The following LRFN2 variants were observed in gnomAD, a reference collection of about 807,000 sequenced individuals.
The protein encoded by LRFN2 is leucine rich repeat and fibronectin type III domain containing 2, also known as leucine-rich repeat and fibronectin type-III domain-containing protein 2.
Under a neutral mutation model 37.3 loss-of-function variants are expected in LRFN2, and 18 were observed. That is an observed-to-expected ratio of 0.48 (90% confidence interval 0.33 to 0.72). The LOEUF (loss-of-function observed/expected upper bound fraction) is 0.72, where lower values mean the gene tolerates loss of function less well. Among genes scored for constraint, LRFN2 ranks in the 30% least tolerant of loss-of-function variants. LRFN2 has a pLI of 0.02. For synonymous variants in LRFN2, 556 were observed against 466.6 expected, an observed-to-expected ratio of 1.19 and a Z score of -2.47; for missense variants, 1,006 against 1,060.7, an observed-to-expected ratio of 0.95 and a Z score of 0.72.
intron 1 of LRFN2, among the ~76,000 whole-genome samples, chr6:40,523,330 C>A (rs1181992552): frequency 6.6e-6 from 1 of 152,108 alleles, no homozygotes; most frequent in African/African-American, 2.4e-5. Context: ...CCACCTAACT[C>A]AGCAAGAGTG....
At chr6:40,446,219 C>G (rs549654282) in intron 1 of LRFN2, among the ~76,000 whole-genome samples, 2 of 152,304 alleles carry the variant, frequency 1.3e-5, no homozygotes, top group Middle Eastern at 3.4e-3. Context: ...ACTCCTGAAT[C>G]CAAGGCTGGG....
At chr6:40,541,031 C>T (rs1451255895) in intron 1 of LRFN2, among the ~76,000 whole-genome samples, 2 of 152,186 alleles carry the variant, frequency 1.3e-5, no homozygotes, top group Non-Finnish European at 2.9e-5. Context: ...CCACTTTCTC[C>T]CTCATTCTGC....
At chr6:40,538,944 T>C (rs1278920767) in intron 1 of LRFN2, among the ~76,000 whole-genome samples, 2 of 152,234 alleles carry the variant, frequency 1.3e-5, no homozygotes, top group Admixed American at 1.3e-4. Flanking sequence ...CCCTCTTGAA[T>C]GTTGCACCCC....
intron 2 of LRFN2, among the ~76,000 whole-genome samples, chr6:40,407,532 T>C (rs1762873034): frequency 6.6e-6 from 1 of 152,246 alleles, no homozygotes; most frequent in Non-Finnish European, 1.5e-5. Context: ...GGTACCACAA[T>C]GGCGATGACT....
At chr6:40,524,097 G>C (rs186310765) in intron 1 of LRFN2, among the ~76,000 whole-genome samples, 1 of 152,170 alleles carries the variant, frequency 6.6e-6, no homozygotes, top group Non-Finnish European at 1.5e-5. Flanking sequence ...AACAACAGGG[G>C]TACAGGAAAA....
At chr6:40,471,115 G>A (rs1400626600) in intron 1 of LRFN2, among the ~76,000 whole-genome samples, 3 of 152,176 alleles carry the variant, frequency 2.0e-5, no homozygotes, top group Non-Finnish European at 4.4e-5. Flanking sequence ...GGGCCCACAA[G>A]CTTGTTCAAT....
intron 1 of LRFN2, among the ~76,000 whole-genome samples, chr6:40,497,903 T>G: frequency 6.6e-6 from 1 of 152,110 alleles, no homozygotes; most frequent in Non-Finnish European, 1.5e-5. Context: ...ACTTCCCCAG[T>G]CTCAGGCTAC....
chr6:40,444,300 A>T (rs1763914500), intron 1 of LRFN2, among the ~76,000 whole-genome samples: 1 of 152,180 alleles, frequency 6.6e-6, no homozygotes, highest in African/African-American at 2.4e-5. Flanking sequence ...GAAGAAAGAG[A>T]CAGAGACAGA....
chr6:40,494,222 A>G (rs996316800), intron 1 of LRFN2, among the ~76,000 whole-genome samples: 5 of 152,214 alleles, frequency 3.3e-5, no homozygotes, highest in Non-Finnish European at 7.3e-5. Flanking sequence ...ACCTGGGATA[A>G]GTAACATTCC....
intron 1 of LRFN2, among the ~76,000 whole-genome samples, chr6:40,534,180 C>T (rs1373957893): frequency 3.9e-5 from 6 of 152,160 alleles, no homozygotes; most frequent in East Asian, 1.9e-4. Context: ...AACACTGAGA[C>T]CCAGTGTTAG....
chr6:40,543,475 A>G (rs1766593831), intron 1 of LRFN2, among the ~76,000 whole-genome samples: 1 of 151,914 alleles, frequency 6.6e-6, no homozygotes, highest in African/African-American at 2.4e-5. Context: ...TCTTCCTCCC[A>G]CCATCCTAAC....
At chr6:40,394,045 G>C (rs1032437735) in intron 2 of LRFN2, among the ~76,000 whole-genome samples, 4 of 152,166 alleles carry the variant, frequency 2.6e-5, no homozygotes, top group African/African-American at 9.7e-5. Context: ...TAGTAGGCCA[G>C]GCTCAGCCAA....
intron 1 of LRFN2, among the ~76,000 whole-genome samples, chr6:40,523,505 ATTTTTTTTTTTTT>A (rs751179915): frequency 1.2e-4 from 15 of 129,310 alleles, no homozygotes; most frequent in Non-Finnish European, 1.3e-4. Context: ...TCTTTAGGTG[ATTTTTTTTTTTTT>A]TTTTTTTTTT....
At chr6:40,544,245 T>C (rs756976880) in intron 1 of LRFN2, among the ~76,000 whole-genome samples, 1 of 152,204 alleles carries the variant, frequency 6.6e-6, no homozygotes, top group Non-Finnish European at 1.5e-5. Context: ...CCCACGGAAG[T>C]CCGCAGAGTG....
At position 40,476,768 on chromosome 6, in the gene LRFN2, C is replaced by G. The variant is rs183689417; in HGVS notation, c.-18-43637G>C. Among the ~76,000 whole-genome samples the G allele has an allele frequency of 5.6e-3, 858 of 152,368 alleles. 6 individuals carry two copies. Among genetic ancestry groups the G allele is most frequent in the Non-Finnish European group, 7.0e-3 (473 of 68,036 alleles). ...TTTACTTGGCTGTTTCGCCACCACACTGGGGCAATCCTGAGAGCAGGCGTG... is the reference window on the plus strand; with the variant it reads ...TTTACTTGGCTGTTTCGCCACCACAGTGGGGCAATCCTGAGAGCAGGCGTG... On this transcript the variant is annotated intron_variant, in intron 1 of 2. Coordinates refer to ENST00000338305, the MANE Select transcript of LRFN2 (RefSeq NM_020737.3).
rs562041777 is a variant in LRFN2 at position 40,436,921 on chromosome 6, A to G, written c.-18-3790T>C. Among the ~76,000 whole-genome samples the G allele has an allele frequency of 3.9e-5, 6 of 152,260 alleles. 1 individual carries two copies. The East Asian group carries it at 1.2e-3, about 29-fold the overall frequency. ...CAAATATAGTTGAGTGGTATTCTCT[A>G]TACCCACGAGAGCACATGAACAGCC... On this transcript the variant is annotated intron_variant, in intron 1 of 2. Coordinates refer to ENST00000338305, the MANE Select transcript of LRFN2 (RefSeq NM_020737.3).
intron 1 of LRFN2, among the ~76,000 whole-genome samples, chr6:40,527,884 C>T (rs980461947): frequency 3.9e-5 from 6 of 152,180 alleles, no homozygotes; most frequent in Non-Finnish European, 8.8e-5. Flanking sequence ...CTCCTGCTGC[C>T]AGACATAACA....
chr6:40,471,507 G>A (rs941853324), intron 1 of LRFN2, among the ~76,000 whole-genome samples: 5 of 152,258 alleles, frequency 3.3e-5, no homozygotes, highest in Admixed American at 6.5e-5. Flanking sequence ...GCTGTTGAGC[G>A]TTCAGCCCTA....
chr6:40,567,728 T>C (rs533489806), intron 1 of LRFN2, among the ~76,000 whole-genome samples: 120 of 152,354 alleles, frequency 7.9e-4, no homozygotes, highest in African/African-American at 2.8e-3. Context: ...TTCACTGTTT[T>C]AGAGGACTAG....
Sources: allele counts gnomAD v4.1 joint callset (sites outside exome capture counted in the v4.1 genomes callset), GRCh38; gene constraint gnomAD v4.1.1; transcripts MANE v1.5; gene names NCBI Gene and HGNC (gene_info 2026-07-23, HGNC 2026-07-21).